Variants in LRRIQ1 observed in about 807,000 individuals in gnomAD.
LRRIQ1 encodes the protein leucine-rich repeat- and IQ domain-containing protein 1.
Under a neutral mutation model 211.9 loss-of-function variants are expected in LRRIQ1, and 210 were observed. The ratio of observed to expected loss-of-function variants is 0.99; its 90% CI spans 0.89 to 1.11. The LOEUF is 1.11. Ranked by LOEUF, LRRIQ1 falls within the 50% of genes most tolerant of loss-of-function variation. The pLI is 0.00. For missense variants in LRRIQ1, 2,136 were observed against 1,939.5 expected (o/e 1.10, Z -1.90); for synonymous variants, 699 against 650.1 (o/e 1.08, Z -1.14).
Position 85,227,287 on chromosome 12 carries a change from T to C in LRRIQ1, c.4823-2230T>C, listed in dbSNP as rs145747634. Reference sequence around the variant, plus strand: ...GGTTTTGATTTGCATTTCTTTTTTTTTATATACTGTAAGTTTTAGGGTACA... The same window carrying C: ...GGTTTTGATTTGCATTTCTTTTTTTCTATATACTGTAAGTTTTAGGGTACA... On this transcript the variant is annotated intron_variant, in intron 24 of 26. Coordinates refer to ENST00000393217, the MANE Select transcript of LRRIQ1 (RefSeq NM_001079910.2). Among the ~76,000 whole-genome samples the C allele has an allele frequency of 3.3e-5, 5 of 152,214 alleles. 1 individual carries two copies. The highest frequency in any genetic ancestry group is 2.6e-4 in the Admixed American group (4 of 15,272).
chr12:85,245,065 C>T lies in LRRIQ1; in HGVS notation c.*124C>T. On this transcript the variant is annotated 3_prime_UTR_variant, in exon 27 of 27. Coordinates refer to ENST00000393217, the MANE Select transcript of LRRIQ1 (RefSeq NM_001079910.2). Reference sequence around the variant, plus strand: ...TAAATTTTTTCTTTCTTTAAATATCCTCTTTTGATATAAACAAAATTAAAT... The same window carrying T: ...TAAATTTTTTCTTTCTTTAAATATCTTCTTTTGATATAAACAAAATTAAAT... 2.9e-6 allele frequency: 4 copies of T among 1,365,032 alleles called. No homozygotes were observed. Among genetic ancestry groups the T allele is most frequent in the Non-Finnish European group, 3.9e-6 (4 of 1,035,488 alleles). The allele number at this position is 1,365,032 out of a possible 1,614,324, so 84.6% of individuals were successfully genotyped here. A position where few individuals can be genotyped will look rare whatever the true frequency, so the allele number is the denominator to read the frequency against.
chr12:85,121,037 G>A lies in LRRIQ1; in HGVS notation c.3378-660G>A, dbSNP rs1188404453. Among the ~76,000 whole-genome samples, 4 of 151,988 alleles carry A rather than the reference G, an allele frequency of 2.6e-5. No homozygotes were observed. In the East Asian group the frequency reaches 7.7e-4, roughly 29 times the overall value. On this transcript the variant is annotated intron_variant, in intron 15 of 26. Coordinates refer to ENST00000393217, the MANE Select transcript of LRRIQ1 (RefSeq NM_001079910.2). ...GGCTGGAGAGCAGTGGCACGATCTT[G>A]GGTCACTGCAACCTCCACCTCCCCG...
Position 85,121,763 on chromosome 12 carries a change from A to G in LRRIQ1, c.3444A>G (p.Ser1148=). ...ILNGNILNSN[S]ESRTEEHNQL... is the part of the protein sequence containing the mutation. ...ATGGCAATATACTAAACTCTAATTC[A>G]GAAAGCCGCACTGAAGAACACAATC... is the stretch of plus-strand genomic sequence containing the variant. Residue 1148 remains serine (S), a synonymous_variant, in exon 16 of 27, where the codon TCA becomes TCG. Transcript: ENST00000393217. 6.2e-7 allele frequency: 1 copy of G among 1,610,530 alleles called. No homozygotes were observed. The highest frequency in any genetic ancestry group is 8.5e-7 in the Non-Finnish European group (1 of 1,178,278).
At chr12:85,163,669 A>G (rs1891011702) in intron 24 of LRRIQ1, among the ~76,000 whole-genome samples, 1 of 152,188 alleles carries the variant, frequency 6.6e-6, no homozygotes, top group Non-Finnish European at 1.5e-5. Context: ...TAGCAAAAAC[A>G]TTAGTAGCAA....
chr12:85,088,674 T>C (rs1327665244), intron 11 of LRRIQ1, among the ~76,000 whole-genome samples: 1 of 152,152 alleles, frequency 6.6e-6, no homozygotes, highest in Non-Finnish European at 1.5e-5. Context: ...CCCTTGTAAG[T>C]TGGATTCCTA....
At chr12:85,157,177 T>C (rs1890598168) in intron 23 of LRRIQ1, among the ~76,000 whole-genome samples, 2 of 151,868 alleles carry the variant, frequency 1.3e-5, no homozygotes, top group Non-Finnish European at 2.9e-5. Context: ...AGCTCATTTA[T>C]GAAGAGGCAA....
At chr12:85,217,706 G>A (rs12300134) in intron 24 of LRRIQ1, among the ~76,000 whole-genome samples, 1 of 105,120 alleles carries the variant, frequency 9.5e-6, no homozygotes, top group African/African-American at 1.1e-4. Flanking sequence ...ATGTATATAT[G>A]TGTGTGTATA....
At chr12:85,242,882 GAAA>G (rs150018810) in intron 26 of LRRIQ1, among the ~76,000 whole-genome samples, 3 of 151,584 alleles carry the variant, frequency 2.0e-5, no homozygotes, top group Non-Finnish European at 3.0e-5. Flanking sequence ...TTCTACTTTG[GAAA>G]AAATCATCTT....
chr12:85,241,384 G>A (rs1392030492), intron 26 of LRRIQ1, among the ~76,000 whole-genome samples: 1 of 151,840 alleles, frequency 6.6e-6, no homozygotes, highest in African/African-American at 2.4e-5. Flanking sequence ...AAAAGATGAT[G>A]TATTATGAAT....
chr12:85,053,773 T>G (rs1880621146), intron 7 of LRRIQ1, among the ~76,000 whole-genome samples: 1 of 152,232 alleles, frequency 6.6e-6, no homozygotes, highest in Non-Finnish European at 1.5e-5. Flanking sequence ...AGTGGCGCCA[T>G]CTCGGCTCAC....
At chr12:85,127,381 G>GTCCTTCCTCTTACAGTAAAGGAAGCC (rs1360475429) in intron 17 of LRRIQ1, among the ~76,000 whole-genome samples, 53 of 152,156 alleles carry the variant, frequency 3.5e-4, no homozygotes, top group African/African-American at 1.2e-3. Flanking sequence ...ACCTGATAGG[G>GTCCTTCCTCTTACAGTAAAGGAAGCC]TCCTTCCTCT....
At position 85,036,639 on chromosome 12, in the gene LRRIQ1, T is replaced by C. The variant is rs530606617; in HGVS notation, c.-25+232T>C. 5.3e-5 allele frequency among the ~76,000 whole-genome samples: 8 copies of C among 152,300 alleles called. No individual in the cohort carries two copies. The East Asian group carries it at 1.3e-3, about 26-fold the overall frequency. ...TCTTGGCTATGTAGGGATCATTCGA[T>C]GGTTACTCACTCACCGCTCCCCACA... On this transcript the variant is annotated intron_variant, in intron 1 of 26. Transcript: ENST00000393217.
intron 19 of LRRIQ1, among the ~76,000 whole-genome samples, chr12:85,146,786 A>C (rs1457420691): frequency 6.6e-6 from 1 of 151,882 alleles, no homozygotes; most frequent in East Asian, 2.0e-4. Flanking sequence ...AACTAAGATT[A>C]GTTTGAATAC....
Position 85,133,729 on chromosome 12 carries a change from TCTCCA to T in LRRIQ1, c.4210-4117_4210-4113del, listed in dbSNP as rs1267294364. The stretch of plus-strand genomic sequence containing the variant: ...AACTAGCCTCTTTGACAGTGCTGTC[TCTCCA>T]CTCAGAAAGTAGGGTAGGTAACTAT... On this transcript the variant is annotated intron_variant, in intron 18 of 26. Coordinates refer to ENST00000393217, the MANE Select transcript of LRRIQ1 (RefSeq NM_001079910.2). 3.3e-5 allele frequency among the ~76,000 whole-genome samples: 5 copies of T among 152,172 alleles called. No homozygotes were observed. The South Asian group carries it at 8.3e-4, about 25-fold the overall frequency.
chr12:85,043,337 G>A (rs1038986540), intron 3 of LRRIQ1, among the ~76,000 whole-genome samples: 5 of 152,012 alleles, frequency 3.3e-5, no homozygotes, highest in Admixed American at 1.3e-4. Flanking sequence ...TCATTAAAAT[G>A]TCTGGCTATT....
At chr12:85,186,808 G>A (rs1467001208) in intron 24 of LRRIQ1, among the ~76,000 whole-genome samples, 2 of 151,588 alleles carry the variant, frequency 1.3e-5, no homozygotes, top group Admixed American at 1.3e-4. Flanking sequence ...TCAGAGAAGT[G>A]CACACCTCTT....
chr12:85,120,505 A>G, intron 15 of LRRIQ1, among the ~76,000 whole-genome samples: 1 of 152,132 alleles, frequency 6.6e-6, no homozygotes, highest in East Asian at 1.9e-4. Context: ...TGAGTTGGCT[A>G]TTTTGGATCT....
chr12:85,070,214 C>T (rs1042441552), intron 10 of LRRIQ1, among the ~76,000 whole-genome samples: 2 of 151,934 alleles, frequency 1.3e-5, no homozygotes, highest in Non-Finnish European at 2.9e-5. Flanking sequence ...ATTGCATCCG[C>T]AGTCATACAG....
chr12:85,220,599 CT>C (rs555880569), intron 24 of LRRIQ1, among the ~76,000 whole-genome samples: 3,242 of 149,954 alleles, frequency 0.022, 111 homozygotes, highest in African/African-American at 0.075. Context: ...AGTAGTGTTT[CT>C]TTTTTTTGGT....
Sources: gnomAD v4.1 joint callset for allele counts (sites outside exome capture counted in the v4.1 genomes callset) on GRCh38, gnomAD v4.1.1 for gene constraint, MANE v1.5 for transcripts, NCBI Gene and HGNC (gene_info 2026-07-23, HGNC 2026-07-21) for gene names.